The following TFAP2D variants were observed in gnomAD, a reference collection of about 807,000 sequenced individuals.
The protein encoded by TFAP2D is transcription factor AP-2-delta.
In TFAP2D, 9 loss-of-function variants were observed where a neutral mutation model predicts 43.6. That is an observed-to-expected ratio of 0.21 (90% CI 0.12 to 0.36). TFAP2D has a LOEUF of 0.36. TFAP2D is among the 10% of genes least tolerant of loss of function. The pLI is 1.00. For missense variants in TFAP2D, 513 were observed against 561.4 expected, an observed-to-expected ratio of 0.91 and a Z score of 0.87; for synonymous variants, 256 against 224.9, an observed-to-expected ratio of 1.14 and a Z score of -1.24.
chr6:50,756,645 T>A (rs953477855), intron 7 of TFAP2D, among the ~76,000 whole-genome samples: 1 of 152,048 alleles, frequency 6.6e-6, no homozygotes, highest in African/African-American at 2.4e-5. Context: ...CTTGTTTCCA[T>A]CAAAATGACA....
At position 50,713,793 on chromosome 6, in the gene TFAP2D, C is replaced by A. The variant is rs1045607354; in HGVS notation, c.-263C>A. ...ATTACCAAGGGACCTACGACATCAG[C>A]CAAAGAAATACTCAGCAAGTACAAA... is the stretch of plus-strand genomic sequence containing the variant. On this transcript the variant is annotated 5_prime_UTR_variant, in exon 1 of 8. Transcript: ENST00000008391. 1 of 563,274 alleles carries A rather than the reference C, an allele frequency of 1.8e-6. No individual in the cohort carries two copies. The highest frequency in any genetic ancestry group is 3.1e-6 in the Non-Finnish European group (1 of 323,144). The allele number at this position is 563,274 out of a possible 1,614,324, so 34.9% of individuals were successfully genotyped here.
chr6:50,736,945 G>A (rs922961643), intron 5 of TFAP2D, among the ~76,000 whole-genome samples: 6 of 152,010 alleles, frequency 3.9e-5, no homozygotes, highest in South Asian at 2.1e-4. Context: ...AAACTTAATG[G>A]ATCAACTAAT....
At chr6:50,756,937 C>T (rs914601399) in intron 7 of TFAP2D, among the ~76,000 whole-genome samples, 4 of 151,692 alleles carry the variant, frequency 2.6e-5, no homozygotes, top group Non-Finnish European at 5.9e-5. Flanking sequence ...TTCAGGAAAT[C>T]TTAAAATTTT....
At chr6:50,760,761 G>C (rs2113891860) in intron 7 of TFAP2D, among the ~76,000 whole-genome samples, 1 of 152,062 alleles carries the variant, frequency 6.6e-6, no homozygotes, top group East Asian at 1.9e-4. Context: ...CATGCCCCAT[G>C]GTAAGGGTCT....
chr6:50,739,823 G>C (rs1164077287), intron 5 of TFAP2D, among the ~76,000 whole-genome samples: 1 of 152,180 alleles, frequency 6.6e-6, no homozygotes. Flanking sequence ...ATCAGATGCT[G>C]TGCTAAGTGC....
chr6:50,770,621 C>T (rs1415482648), intron 7 of TFAP2D, among the ~76,000 whole-genome samples: 3 of 152,120 alleles, frequency 2.0e-5, no homozygotes, highest in Admixed American at 2.0e-4. Context: ...AAACAACAAC[C>T]CCACATGGTA....
intron 7 of TFAP2D, among the ~76,000 whole-genome samples, chr6:50,759,314 A>ATG (rs1163984076): frequency 1.3e-5 from 2 of 151,952 alleles, no homozygotes; most frequent in Non-Finnish European, 2.9e-5. Context: ...TACCAGCTAG[A>ATG]TGTGTGGATT....
intron 7 of TFAP2D, among the ~76,000 whole-genome samples, chr6:50,762,994 G>A (rs569075300): frequency 6.6e-6 from 1 of 152,124 alleles, no homozygotes. Flanking sequence ...TACTGATTTC[G>A]TAAAGCTCTT....
chr6:50,719,445 GAGAGAA>G (rs1181409602), intron 3 of TFAP2D, among the ~76,000 whole-genome samples: 1 of 143,410 alleles, frequency 7.0e-6, no homozygotes, highest in East Asian at 2.1e-4. Flanking sequence ...GAAAAAGACA[GAGAGAA>G]AGAAAGAAAG....
At chr6:50,716,854 TTCC>T (rs1171642946) in intron 2 of TFAP2D, among the ~76,000 whole-genome samples, 1 of 152,206 alleles carries the variant, frequency 6.6e-6, no homozygotes, top group African/African-American at 2.4e-5. Context: ...CAAAAAATCT[TTCC>T]TCCTCATTTA....
intron 5 of TFAP2D, among the ~76,000 whole-genome samples, chr6:50,740,651 C>T (rs983542718): frequency 6.6e-6 from 1 of 152,038 alleles, no homozygotes; most frequent in Non-Finnish European, 1.5e-5. Context: ...CTTGGCCAGG[C>T]TGGTCTTAAA....
At chr6:50,752,768 A>C (rs986815855) in intron 7 of TFAP2D, among the ~76,000 whole-genome samples, 10 of 151,862 alleles carry the variant, frequency 6.6e-5, no homozygotes, top group African/African-American at 2.4e-4. Flanking sequence ...GTGTAATAAA[A>C]CTGGGGGAAA....
At position 50,771,413 on chromosome 6, in the gene TFAP2D, G is replaced by A. The variant is rs549959141; in HGVS notation, c.1140-1232G>A. On this transcript the variant is annotated intron_variant, in intron 7 of 7. Transcript: ENST00000008391. Reference sequence around the variant, plus strand: ...CTCACTGCAAAAGAAGCTTGGAAATGTAGTCTCCAGCTGGATGGCCATATG... The same window carrying A: ...CTCACTGCAAAAGAAGCTTGGAAATATAGTCTCCAGCTGGATGGCCATATG... Among the ~76,000 whole-genome samples, 9 of 152,314 alleles carry A rather than the reference G, an allele frequency of 5.9e-5. No individual in the cohort carries two copies. In the South Asian group the frequency reaches 1.5e-3, roughly 25 times the overall value.
intron 3 of TFAP2D, 45 bp downstream of exon 3, chr6:50,719,195 T>G: frequency 6.3e-7 from 1 of 1,579,172 alleles, no homozygotes; most frequent in Non-Finnish European, 8.7e-7. Flanking sequence ...ATTCTTCTCC[T>G]ATCTCTTACT....
chr6:50,719,520 TC>T (rs1230281724), intron 3 of TFAP2D, among the ~76,000 whole-genome samples: 1 of 149,404 alleles, frequency 6.7e-6, no homozygotes, highest in Non-Finnish European at 1.5e-5. Flanking sequence ...CACACCCTCT[TC>T]CCCCAGCACT....
intron 6 of TFAP2D, among the ~76,000 whole-genome samples, chr6:50,748,058 A>T (rs541822256): frequency 6.6e-6 from 1 of 152,040 alleles, no homozygotes; most frequent in South Asian, 2.1e-4. Context: ...CAGCTTTATA[A>T]TTTTTTATTT....
intron 7 of TFAP2D, among the ~76,000 whole-genome samples, chr6:50,761,676 T>C (rs575390913): frequency 6.6e-6 from 1 of 152,116 alleles, no homozygotes; most frequent in Non-Finnish European, 1.5e-5. Context: ...TTTAGACAAA[T>C]CAATTAAAGT....
chr6:50,721,487 A>G (rs1045079350), intron 3 of TFAP2D, among the ~76,000 whole-genome samples: 5 of 152,178 alleles, frequency 3.3e-5, no homozygotes, highest in Admixed American at 6.5e-5. Context: ...TGTATTCCCA[A>G]AAGAGGGCGT....
intron 6 of TFAP2D, among the ~76,000 whole-genome samples, chr6:50,749,852 T>G (rs1326897316): frequency 6.6e-6 from 1 of 151,838 alleles, no homozygotes; most frequent in Non-Finnish European, 1.5e-5. Context: ...ACTGGCCCTT[T>G]AGGAAGGGGA....
Sources: gnomAD v4.1 joint callset for allele counts (sites outside exome capture counted in the v4.1 genomes callset) on GRCh38, gnomAD v4.1.1 for gene constraint, MANE v1.5 for transcripts, NCBI Gene and HGNC (gene_info 2026-07-23, HGNC 2026-07-21) for gene names.